The following MED16 variants were observed in gnomAD, a reference collection of about 807,000 sequenced individuals.
MED16 encodes the protein mediator complex subunit 16.
Under a neutral mutation model 84.4 loss-of-function variants are expected in MED16, and 81 were observed. The ratio of observed to expected loss-of-function variants is 0.96; its 90% CI spans 0.80 to 1.15. The LOEUF is 1.15. Ranked by LOEUF, MED16 falls within the 50% of genes most tolerant of loss-of-function variation. The pLI is 0.00. For synonymous variants in MED16, 897 were observed against 552.2 expected, an observed-to-expected ratio of 1.62 and a Z score of -8.76; for missense variants, 1,585 against 1,245.9, an observed-to-expected ratio of 1.27 and a Z score of -4.10.
At position 868,234 on chromosome 19, in the gene MED16, C is replaced by T; in HGVS notation, c.2501G>A (p.Gly834Glu). 1 of 1,597,268 alleles carries T rather than the reference C, an allele frequency of 6.3e-7. No individual in the cohort carries two copies. The highest frequency in any genetic ancestry group is 8.5e-7 in the Non-Finnish European group (1 of 1,172,998). ...TCTGCTGGTCACGCAGGCGTCCGGC[C>T]CACGGCCTTCAACAGCCCTGCAGGG... ...IKNCLAVEGR[G>E]PDACVTSRAS... The change falls in exon 16 of 16, where the codon GGG becomes GAG. Residue 834 changes from glycine to glutamate, a missense_variant. Gly to Glu is a moderately conservative substitution (Grantham distance 98, BLOSUM62 -2). Transcript: ENST00000325464.
chr19:870,979 G>A (rs2036036052), intron 13 of MED16, 58 bp downstream of exon 13: 10 of 1,444,134 alleles, frequency 6.9e-6, no homozygotes, highest in Admixed American at 4.4e-5. Flanking sequence ...GGGGGTCCCG[G>A]GGCAGGACAC....
chr19:889,056 C>CCA (rs2036579571), intron 4 of MED16, among the ~76,000 whole-genome samples: 2 of 146,554 alleles, frequency 1.4e-5, no homozygotes, highest in Non-Finnish European at 3.0e-5. Flanking sequence ...AACTGTCCCC[C>CCA]CCAACCCTGG....
intron 7 of MED16, 48 bp from the exon 8 acceptor site, chr19:880,196 C>T (rs1221567599): frequency 3.3e-6 from 5 of 1,525,670 alleles, no homozygotes; most frequent in Non-Finnish European, 4.4e-6. Context: ...CCAGGACACG[C>T]CCGCCGGGGG....
At chr19:878,241 G>A (rs1377431717) in intron 8 of MED16, among the ~76,000 whole-genome samples, 7 of 48,442 alleles carry the variant, frequency 1.4e-4, no homozygotes, top group Non-Finnish European at 2.7e-4. Context: ...ACCAGCCCCA[G>A]CCCCAGCCCC....
rs771714315 is a variant in MED16 at position 884,910 on chromosome 19, G to A, written c.978C>T (p.Ser326=). 8.2e-5 allele frequency: 131 copies of A among 1,606,896 alleles called. No homozygotes were observed. Among genetic ancestry groups the A allele is most frequent in the Non-Finnish European group, 1.0e-4 (118 of 1,178,356 alleles). The part of the protein sequence containing the change: ...LPVNNIFQQI[S]PVVGDKQPTI... ...AGCCGGCGGGAGACTCACCCACGGG[G>A]GAGATCTGCTGGAAGATGTTGTTCA... Residue 326 remains serine, a synonymous_variant, in exon 6 of 16, where the codon TCC becomes TCT. Coordinates refer to ENST00000325464, the MANE Select transcript of MED16 (RefSeq NM_005481.3).
intron 13 of MED16, among the ~76,000 whole-genome samples, chr19:870,604 G>A (rs1328535535): frequency 1.3e-5 from 2 of 151,636 alleles, no homozygotes; most frequent in Admixed American, 6.6e-5. Flanking sequence ...GAATGGAAGG[G>A]CTGGGTGCCC....
At chr19:888,612 C>T (rs747453031) in intron 4 of MED16, among the ~76,000 whole-genome samples, 8 of 151,996 alleles carry the variant, frequency 5.3e-5, no homozygotes, top group Admixed American at 6.5e-5. Context: ...ACCTCTGGAC[C>T]GTGTGGGCTG....
intron 6 of MED16, 65 bp from the exon 7 acceptor site, chr19:881,779 G>C: frequency 6.4e-7 from 1 of 1,560,480 alleles, no homozygotes; most frequent in East Asian, 2.3e-5. Context: ...ACAGCCGCAG[G>C]AGTCCAGCAT....
chr19:879,974 G>C lies in MED16; in HGVS notation c.1316C>G (p.Thr439Arg). 6.2e-7 allele frequency: 1 copy of C among 1,604,902 alleles called. No homozygotes were observed. Among genetic ancestry groups the C allele is most frequent in the Non-Finnish European group, 8.5e-7 (1 of 1,176,262 alleles). ...GTCAATCCCCACCAGGGCCAGTGAC[G>C]TCCACGATAGCTGCATAGCCTTTAA... ...VHLKAMQLSWTSLALVGIDSH... is the reference protein window; with the variant it reads ...VHLKAMQLSWRSLALVGIDSH... The change falls in exon 8 of 16, where the codon ACG becomes AGG. Residue 439 changes from threonine (T) to arginine (R), a missense_variant. Coordinates refer to ENST00000325464, the MANE Select transcript of MED16 (RefSeq NM_005481.3).
intron 4 of MED16, among the ~76,000 whole-genome samples, chr19:888,618 G>C (rs894168312): frequency 6.6e-6 from 1 of 152,106 alleles, no homozygotes; most frequent in Non-Finnish European, 1.5e-5. Flanking sequence ...GGACCGTGTG[G>C]GCTGCACACT....
At chr19:872,887 G>T (rs893708587) in intron 11 of MED16, 20 of 898,362 alleles carry the variant, frequency 2.2e-5, no homozygotes, top group Non-Finnish European at 2.6e-5. Flanking sequence ...GGGCAGGAAG[G>T]GTGTGGCCAA....
Position 875,248 on chromosome 19 carries a change from G to T in MED16, c.1767C>A (p.Asp589Glu). ...CGGGCGTGGAAAAGGACCCACCGAC[G>T]TCGGTGATCTTGGTGCAGATCTCGG... ...RLTEICTKIT[D>E]VDIDKVMINL... Residue 589 changes from aspartate to glutamate, a missense_variant, in exon 10 of 16, where the codon GAC (aspartate) becomes GAA (glutamate). By Grantham distance (45) the Asp-to-Glu change is conservative (BLOSUM62 2). Transcript: ENST00000325464. 2 of 1,606,076 alleles carry T rather than the reference G, an allele frequency of 1.2e-6. No individual in the cohort carries two copies. The highest frequency in any genetic ancestry group is 1.7e-6 in the Non-Finnish European group (2 of 1,176,018).
At chr19:870,018 C>G (rs965019677) in intron 13 of MED16, among the ~76,000 whole-genome samples, 1 of 152,210 alleles carries the variant, frequency 6.6e-6, no homozygotes, top group Non-Finnish European at 1.5e-5. Context: ...CAGCTCAGCA[C>G]ACTTGGGTTG....
Position 875,299 on chromosome 19 carries a change from A to AGGC in MED16, c.1713_1715dup (p.Pro572dup). ...TCAGCCGGTCGCCGGGGCTCTTGTCAGGCGTGTTGAGAAAGTGGGGGCGCA... is the reference window on the plus strand; with the variant it reads ...TCAGCCGGTCGCCGGGGCTCTTGTCAGGCGGCGTGTTGAGAAAGTGGGGGCGCA... On this transcript the variant is annotated inframe_insertion, in exon 10 of 16. Coordinates refer to ENST00000325464, the MANE Select transcript of MED16 (RefSeq NM_005481.3). The AGGC allele has an allele frequency of 1.2e-6, 2 of 1,610,716 alleles. No individual in the cohort carries two copies.
At chr19:889,857 C>G in intron 3 of MED16, 50 bp from the exon 4 acceptor site, 2 of 1,558,456 alleles carry the variant, frequency 1.3e-6, no homozygotes, top group Non-Finnish European at 1.7e-6. Context: ...GGGCAGAGCA[C>G]TGCGTTGCAG....
rs529607497 is a variant in MED16, at chr19:868,347, G to A, written c.2483+69C>T. 9.1e-5 allele frequency: 145 copies of A among 1,591,436 alleles called. 2 individuals are homozygous for A. In the Middle Eastern group the frequency reaches 1.2e-3, roughly 13 times the overall value. On this transcript the variant is annotated intron_variant, in intron 15 of 15. Coordinates refer to ENST00000325464, the MANE Select transcript of MED16 (RefSeq NM_005481.3). ...GCTCAGGGGCAGCTGAGGGGTAGCT[G>A]AGGAGTAGCTGAGGGGCAGCTGGGC...
chr19:885,761 C>T lies in MED16; in HGVS notation c.879+9G>A, dbSNP rs1440232393. 6.2e-7 allele frequency: 1 copy of T among 1,602,936 alleles called. No homozygotes were observed. Among genetic ancestry groups the T allele is most frequent in the Admixed American group, 1.7e-5 (1 of 59,958 alleles). The stretch of plus-strand genomic sequence containing the variant: ...CTGCCAGCCCACGTGATGGCCTGCG[C>T]CCGTTCACCTGCTCCGACATGTCCC... On this transcript the variant is annotated intron_variant, in intron 5 of 15. Coordinates refer to ENST00000325464, the MANE Select transcript of MED16 (RefSeq NM_005481.3).
intron 6 of MED16, among the ~76,000 whole-genome samples, chr19:883,068 T>A (rs553335868): frequency 6.6e-6 from 1 of 152,166 alleles, no homozygotes; most frequent in African/African-American, 2.4e-5. Context: ...CCCCAGCTAG[T>A]GGCCAGGGTA....
In MED16 at chr19:881,478, C is replaced by T. The variant is rs115647802; in HGVS notation, c.1141+81G>A. ...CCACGTCCTCTGGTGTGAGCTCCCA[C>T]GACCCCGTGGCCTGTGCTCAGGGCC... On this transcript the variant is annotated intron_variant, in intron 7 of 15. Transcript: ENST00000325464. 3,917 of 1,493,150 alleles carry T rather than the reference C, an allele frequency of 2.6e-3. 56 individuals carry two copies. The African/African-American group carries it at 0.036, about 14-fold the overall frequency. 92.5% of individuals were successfully genotyped at this position (1,493,150 alleles called of 1,614,324 possible).
Sources: gnomAD v4.1 joint callset for allele counts (sites outside exome capture counted in the v4.1 genomes callset) on GRCh38, gnomAD v4.1.1 for gene constraint, MANE v1.5 for transcripts, NCBI Gene and HGNC (gene_info 2026-07-23, HGNC 2026-07-21) for gene names.